Variants in PCSK6 observed in about 807,000 individuals in gnomAD.
PCSK6 encodes proprotein convertase subtilisin/kexin type 6.
In PCSK6, 85 loss-of-function variants were observed where a neutral mutation model predicts 123.3. The ratio of observed to expected loss-of-function variants is 0.69; its 90% CI spans 0.58 to 0.83. The LOEUF is 0.83. Among genes scored for constraint, PCSK6 ranks in the 40% least tolerant of loss-of-function variants. PCSK6 has a pLI of 0.00. For missense variants in PCSK6, 1,191 were observed against 1,282.3 expected, an observed-to-expected ratio of 0.93 and a Z score of 1.09; for synonymous variants, 508 against 516.0, an observed-to-expected ratio of 0.98 and a Z score of 0.21.
intron 20 of PCSK6, among the ~76,000 whole-genome samples, chr15:101,310,868 T>C (rs2039842085): frequency 6.6e-6 from 1 of 152,190 alleles, no homozygotes; most frequent in Non-Finnish European, 1.5e-5. Flanking sequence ...TCCCCTGCTC[T>C]GACACAAGCC....
At chr15:101,315,011 G>A (rs1319603927) in intron 19 of PCSK6, among the ~76,000 whole-genome samples, 4 of 152,154 alleles carry the variant, frequency 2.6e-5, no homozygotes, top group East Asian at 1.9e-4. Flanking sequence ...AGGGCCTGCC[G>A]TTGTACCTCT....
chr15:101,358,198 C>T (rs1348114381), intron 13 of PCSK6, among the ~76,000 whole-genome samples: 1 of 152,176 alleles, frequency 6.6e-6, no homozygotes, highest in African/African-American at 2.4e-5. Flanking sequence ...CGGAGTAAGG[C>T]AGGTCATATG....
At chr15:101,342,768 G>T (rs532733175) in intron 13 of PCSK6, among the ~76,000 whole-genome samples, 1 of 152,336 alleles carries the variant, frequency 6.6e-6, no homozygotes, top group South Asian at 2.1e-4. Flanking sequence ...TGGGTGTGGT[G>T]GCGCATGCCT....
intron 9 of PCSK6, among the ~76,000 whole-genome samples, chr15:101,384,920 G>A (rs1334095383): frequency 6.6e-6 from 1 of 152,136 alleles, no homozygotes. Flanking sequence ...TATTCTTTTT[G>A]GGGAAGTAGA....
chr15:101,328,484 A>C (rs1318465649), intron 15 of PCSK6, among the ~76,000 whole-genome samples: 2 of 152,162 alleles, frequency 1.3e-5, no homozygotes, highest in African/African-American at 4.8e-5. Context: ...GGCTAGGAAC[A>C]GGGAAAGTGC....
Position 101,429,527 on chromosome 15 carries a change from G to C in PCSK6, c.734+460C>G, listed in dbSNP as rs1248048821. ...GCATGCACGCAGCCAGTAAGTGGGAGAGCTGCGATCTGAACCTGGGTCTAT... is the reference window on the plus strand; with the variant it reads ...GCATGCACGCAGCCAGTAAGTGGGACAGCTGCGATCTGAACCTGGGTCTAT... On this transcript the variant is annotated intron_variant, in intron 5 of 21. Coordinates refer to ENST00000611716, the MANE Select transcript of PCSK6 (RefSeq NM_002570.5). Among the ~76,000 whole-genome samples, 5 of 152,134 alleles carry C rather than the reference G, an allele frequency of 3.3e-5. No homozygotes were observed. The East Asian group carries it at 7.7e-4, about 23-fold the overall frequency.
chr15:101,440,268 C>A (rs2056719924), intron 2 of PCSK6, among the ~76,000 whole-genome samples: 2 of 152,176 alleles, frequency 1.3e-5, no homozygotes, highest in South Asian at 4.1e-4. Context: ...GCAATCTGAG[C>A]AAAATGGCCC....
At chr15:101,326,341 G>A (rs1275753243) in intron 16 of PCSK6, 36 bp downstream of exon 16, 2 of 1,508,294 alleles carry the variant, frequency 1.3e-6, no homozygotes, top group Non-Finnish European at 1.8e-6. Context: ...GAAAGTCACT[G>A]AGTGGTGAGC....
intron 1 of PCSK6, among the ~76,000 whole-genome samples, chr15:101,476,096 G>A (rs2057724461): frequency 6.6e-6 from 1 of 152,174 alleles, no homozygotes; most frequent in Admixed American, 6.5e-5. Context: ...CTGGGAAAAA[G>A]TTACTTAACC....
chr15:101,395,277 G>C (rs1276046081), intron 7 of PCSK6, among the ~76,000 whole-genome samples: 1 of 152,180 alleles, frequency 6.6e-6, no homozygotes, highest in Non-Finnish European at 1.5e-5. Context: ...GGAGTCACCT[G>C]GGAACCTGTT....
In PCSK6 at chr15:101,489,589, C is replaced by G. The variant is rs1336143154; in HGVS notation, c.82G>C (p.Gly28Arg). 1.0e-6 allele frequency: 1 copy of G among 976,386 alleles called. No homozygotes were observed. Among genetic ancestry groups the G allele is most frequent in the African/African-American group, 1.8e-5 (1 of 56,072 alleles). The allele number at this position is 976,386 out of a possible 1,614,324, so 60.5% of individuals were successfully genotyped here. The change falls in exon 1 of 22, where the codon GGG becomes CGG. Residue 28 changes from glycine to arginine, a missense_variant. Physicochemically the swap from Gly to Arg is moderately radical, Grantham distance 125. Coordinates refer to ENST00000611716, the MANE Select transcript of PCSK6 (RefSeq NM_002570.5). ...AAATDTAAGAGGAGGAGGAGG... is the reference protein window; with the variant it reads ...AAATDTAAGARGAGGAGGAGG... ...GCGCCCCCCGCGCCCCCCGCGCCCC[C>G]CGCGCCCGCGGCGGTGTCGGTGGCG...
intron 11 of PCSK6, among the ~76,000 whole-genome samples, chr15:101,372,619 C>G (rs2041619513): frequency 6.6e-6 from 1 of 152,068 alleles, no homozygotes; most frequent in Non-Finnish European, 1.5e-5. Flanking sequence ...GTGAGTGTCC[C>G]CCATCCCCCA....
chr15:101,470,835 C>G (rs2057586110), intron 1 of PCSK6, among the ~76,000 whole-genome samples: 1 of 152,198 alleles, frequency 6.6e-6, no homozygotes, highest in African/African-American at 2.4e-5. Flanking sequence ...TCCGTTAGGA[C>G]TCTGTAGGGA....
At chr15:101,317,164 G>A (rs1012159504) in intron 19 of PCSK6, among the ~76,000 whole-genome samples, 1 of 152,122 alleles carries the variant, frequency 6.6e-6, no homozygotes, top group African/African-American at 2.4e-5. Flanking sequence ...CACCCGCCTT[G>A]GCCTCCCAAA....
At chr15:101,463,435 T>C (rs2057383616) in intron 1 of PCSK6, among the ~76,000 whole-genome samples, 3 of 152,204 alleles carry the variant, frequency 2.0e-5, no homozygotes, top group Non-Finnish European at 4.4e-5. Context: ...GCAACAATTC[T>C]GCTGCTACCA....
At chr15:101,325,115 T>C in intron 16 of PCSK6, 69 bp from the exon 17 acceptor site, 1 of 1,195,994 alleles carries the variant, frequency 8.4e-7, no homozygotes, top group Non-Finnish European at 1.2e-6. Flanking sequence ...TGCCCCTTTG[T>C]TTCCTCTGAG....
In PCSK6 at chr15:101,398,554, A is replaced by G. The variant is rs1198761865; in HGVS notation, c.846T>C (p.Asp282=). The G allele has an allele frequency of 1.2e-6, 2 of 1,612,710 alleles. No individual in the cohort carries two copies. The highest frequency in any genetic ancestry group is 1.7e-6 in the Non-Finnish European group (2 of 1,179,148). The change falls in exon 7 of 22, where the codon GAT becomes GAC. Residue 282 remains aspartate (D), a synonymous_variant. Coordinates refer to ENST00000611716, the MANE Select transcript of PCSK6 (RefSeq NM_002570.5). This position sits in a 1 kb window ranked among gnomAD's most constrained non-coding sequence, Gnocchi z 4.6. ...ACTTTGCCTCGACCACATCTGTGAC[A>G]TCGCCGTCCAGCATGCGGATGCCTG... ...KIGGIRMLDG[D]VTDVVEAKSL...
chr15:101,368,206 A>G (rs1310340983), intron 12 of PCSK6, among the ~76,000 whole-genome samples: 1 of 152,144 alleles, frequency 6.6e-6, no homozygotes. Flanking sequence ...CCTGCCCTCT[A>G]TTATCCCAAG....
In PCSK6 at chr15:101,394,983, T is replaced by G. The variant is rs567836778; in HGVS notation, c.997-1559A>C. On this transcript the variant is annotated intron_variant, in intron 7 of 21. Coordinates refer to ENST00000611716, the MANE Select transcript of PCSK6 (RefSeq NM_002570.5). ...CTTCTGAGAGAAAGGCACAAAGAGCTCAGGAAGGTGGTGTGTGTGTGCACG... is the reference window on the plus strand; with the variant it reads ...CTTCTGAGAGAAAGGCACAAAGAGCGCAGGAAGGTGGTGTGTGTGTGCACG... Among the ~76,000 whole-genome samples, 8 of 152,274 alleles carry G rather than the reference T, an allele frequency of 5.3e-5. 1 individual carries two copies. The South Asian group carries it at 1.7e-3, about 32-fold the overall frequency.
Sources: gnomAD v4.1 joint callset for allele counts (sites outside exome capture counted in the v4.1 genomes callset) on GRCh38, gnomAD v4.1.1 for gene constraint, Gnocchi (gnomAD v3.1) non-coding constraint, MANE v1.5 for transcripts, NCBI Gene and HGNC (gene_info 2026-07-23, HGNC 2026-07-21) for gene names.